CADPS2: variants seen among roughly 807,000 people sequenced by gnomAD.
CADPS2 encodes the protein calcium-dependent secretion activator 2.
A neutral mutation model predicts 172.5 loss-of-function variants in CADPS2; 93 were observed. That is an observed-to-expected ratio of 0.54 (90% confidence interval 0.46 to 0.64). The LOEUF (loss-of-function observed/expected upper bound fraction) is 0.64. Ranked by LOEUF, CADPS2 falls within the 30% of genes least tolerant of loss-of-function variation. The probability of loss-of-function intolerance (pLI) is 0.00; values close to 1 mark genes in which losing one functional copy is unlikely to be tolerated. For missense variants in CADPS2, 1,420 were observed against 1,565.9 expected (o/e 0.91, Z 1.57); for synonymous variants, 546 against 555.2 (o/e 0.98, Z 0.23).
At chr7:122,478,615 A>C (rs1393138372) in intron 12 of CADPS2, among the ~76,000 whole-genome samples, 2 of 152,220 alleles carry the variant, frequency 1.3e-5, no homozygotes, top group Non-Finnish European at 2.9e-5. Flanking sequence ...TTAGGATAAT[A>C]GCTGTTGGAA....
chr7:122,408,666 A>G (rs1481279878), intron 19 of CADPS2, among the ~76,000 whole-genome samples: 1 of 152,174 alleles, frequency 6.6e-6, no homozygotes, highest in Non-Finnish European at 1.5e-5. Flanking sequence ...GCCTCAAGTG[A>G]TCTGCCGGCC....
chr7:122,479,188 A>C (rs2057025222), intron 12 of CADPS2, among the ~76,000 whole-genome samples: 1 of 152,210 alleles, frequency 6.6e-6, no homozygotes, highest in Non-Finnish European at 1.5e-5. Context: ...TGCTCTCTGC[A>C]AAACAGAGCT....
At chr7:122,478,653 C>T (rs1024868655) in intron 12 of CADPS2, among the ~76,000 whole-genome samples, 2 of 152,126 alleles carry the variant, frequency 1.3e-5, no homozygotes, top group African/African-American at 4.8e-5. Context: ...AGTAGGCTGA[C>T]AGTATCAACT....
At chr7:122,583,608 CAT>C (rs1272184582) in intron 6 of CADPS2, among the ~76,000 whole-genome samples, 1 of 150,488 alleles carries the variant, frequency 6.6e-6, no homozygotes, top group African/African-American at 2.4e-5. Context: ...GTAATATATG[CAT>C]ATGATATATA....
intron 1 of CADPS2, among the ~76,000 whole-genome samples, chr7:122,760,823 G>A (rs1440787521): frequency 8.8e-6 from 1 of 113,402 alleles, no homozygotes; most frequent in Non-Finnish European, 1.8e-5. Context: ...GGGGTGGGGG[G>A]AGGGGGGCGG....
intron 16 of CADPS2, 52 bp from the exon 17 acceptor site, chr7:122,438,516 T>G: frequency 6.3e-7 from 1 of 1,587,690 alleles, no homozygotes; most frequent in Non-Finnish European, 8.6e-7. Flanking sequence ...GATAGACAGA[T>G]GGAAGAAAAA....
intron 25 of CADPS2, among the ~76,000 whole-genome samples, chr7:122,372,606 T>C (rs185544144): frequency 1.3e-5 from 2 of 152,312 alleles, no homozygotes; most frequent in African/African-American, 4.8e-5. Context: ...GTAGCAAATA[T>C]ATTTGTGAAT....
chr7:122,696,676 A>C (rs2085156212), intron 2 of CADPS2, among the ~76,000 whole-genome samples: 1 of 152,208 alleles, frequency 6.6e-6, no homozygotes, highest in Non-Finnish European at 1.5e-5. Flanking sequence ...TGCTCATTAA[A>C]ATTATGCATG....
At chr7:122,770,705 T>C (rs1021863439) in intron 1 of CADPS2, among the ~76,000 whole-genome samples, 5 of 152,192 alleles carry the variant, frequency 3.3e-5, no homozygotes, top group East Asian at 1.9e-4. Context: ...GCCCAGCTTC[T>C]GCATGCTCAG....
chr7:122,698,587 G>A, intron 2 of CADPS2: 3 of 1,614,000 alleles, frequency 1.9e-6, no homozygotes, highest in Non-Finnish European at 2.5e-6. Context: ...CTGTGTGAAG[G>A]TACAACCTCC....
At chr7:122,388,547 G>T in intron 23 of CADPS2, 36 bp downstream of exon 23, 1 of 1,539,904 alleles carries the variant, frequency 6.5e-7, no homozygotes, top group South Asian at 1.2e-5. Flanking sequence ...TTTGGGTGCT[G>T]GCACATTAAG....
chr7:122,631,692 T>C (rs953655554), intron 3 of CADPS2, among the ~76,000 whole-genome samples: 1 of 105,432 alleles, frequency 9.5e-6, no homozygotes, highest in African/African-American at 3.6e-5. Context: ...ACATTGTCTT[T>C]TCTTTTTTTT....
chr7:122,547,155 G>A (rs911457579), intron 8 of CADPS2, among the ~76,000 whole-genome samples: 3 of 151,688 alleles, frequency 2.0e-5, no homozygotes, highest in Admixed American at 1.3e-4. Flanking sequence ...TAACCCTGGG[G>A]TATACTCTAC....
At chr7:122,643,523 C>T (rs930992338) in intron 3 of CADPS2, among the ~76,000 whole-genome samples, 5 of 152,172 alleles carry the variant, frequency 3.3e-5, no homozygotes, top group African/African-American at 1.2e-4. Flanking sequence ...TTCAGCTTTG[C>T]ACTTCCAACT....
chr7:122,854,454 G>C (rs1814623606), intron 1 of CADPS2, among the ~76,000 whole-genome samples: 1 of 152,208 alleles, frequency 6.6e-6, no homozygotes, highest in Admixed American at 6.5e-5. Flanking sequence ...AGAGGAAGCA[G>C]ATGAACAGAA....
intron 2 of CADPS2, among the ~76,000 whole-genome samples, chr7:122,705,546 TATATATATTTATATTATATATTATC>T: frequency 1.7e-5 from 2 of 120,816 alleles, no homozygotes; most frequent in Non-Finnish European, 3.2e-5. Context: ...TATTATATAT[TATATATATTTATATTATATATTATC>T]TATATTATAT....
At chr7:122,399,666 T>C (rs1416311540) in intron 20 of CADPS2, among the ~76,000 whole-genome samples, 9 of 27,126 alleles carry the variant, frequency 3.3e-4, no homozygotes, top group African/African-American at 1.0e-3. Flanking sequence ...GTTTCTTTTT[T>C]TTTTTTTTTT....
chr7:122,446,857 T>C (rs1239892588), intron 15 of CADPS2, among the ~76,000 whole-genome samples: 2 of 152,142 alleles, frequency 1.3e-5, no homozygotes, highest in African/African-American at 2.4e-5. Context: ...AGTAAGCAGG[T>C]GCAACTAAAG....
chr7:122,488,330 C>T (rs2058020203), intron 11 of CADPS2, among the ~76,000 whole-genome samples: 1 of 152,102 alleles, frequency 6.6e-6, no homozygotes, highest in Non-Finnish European at 1.5e-5. Context: ...GGATAAATAC[C>T]CAATTTGGCA....
Sources: gnomAD v4.1 joint callset for allele counts (sites outside exome capture counted in the v4.1 genomes callset) on GRCh38, gnomAD v4.1.1 for gene constraint, MANE v1.5 for transcripts, NCBI Gene and HGNC (gene_info 2026-07-23, HGNC 2026-07-21) for gene names.